GDPD1: variants seen among roughly 807,000 people sequenced by gnomAD.
The protein encoded by GDPD1 is glycerophosphodiester phosphodiesterase domain containing 1.
Under a neutral mutation model 45.1 loss-of-function variants are expected in GDPD1, and 28 were observed. That is an observed-to-expected ratio of 0.62 (90% CI 0.46 to 0.85). The LOEUF (loss-of-function observed/expected upper bound fraction) is 0.85, where lower values mean the gene tolerates loss of function less well. Among genes scored for constraint, GDPD1 ranks in the 40% least tolerant of loss-of-function variants. The pLI is 0.00. For missense variants in GDPD1, 256 were observed against 364.8 expected (o/e 0.70, Z 2.43); for synonymous variants, 139 against 131.4 (o/e 1.06, Z -0.40).
intron 1 of GDPD1, among the ~76,000 whole-genome samples, chr17:59,231,209 C>T (rs998856317): frequency 6.6e-6 from 1 of 151,990 alleles, no homozygotes; most frequent in Non-Finnish European, 1.5e-5. Flanking sequence ...CTGACATTCT[C>T]ATCAAAAATA....
intron 1 of GDPD1, among the ~76,000 whole-genome samples, chr17:59,226,612 A>T (rs1391607286): frequency 6.6e-6 from 1 of 152,222 alleles, no homozygotes; most frequent in African/African-American, 2.4e-5. Context: ...AAATATGTTC[A>T]GATGGTATTG....
At chr17:59,239,981 G>A (rs548789087) in intron 2 of GDPD1, among the ~76,000 whole-genome samples, 65 of 151,746 alleles carry the variant, frequency 4.3e-4, no homozygotes, top group African/African-American at 1.4e-3. Flanking sequence ...ATTATAGGCC[G>A]GAGCAACTGC....
rs558055002 is a variant in GDPD1 at position 59,259,427 on chromosome 17, C to T, written c.576+1587C>T. On this transcript the variant is annotated intron_variant, in intron 6 of 9. Transcript: ENST00000284116. ...CTAAAAATACAAAAAATTAGCCAGGCGTAGTGGTGGGCGCCTGTAGTCCCA... is the reference window on the plus strand; with the variant it reads ...CTAAAAATACAAAAAATTAGCCAGGTGTAGTGGTGGGCGCCTGTAGTCCCA... Among the ~76,000 whole-genome samples the T allele has an allele frequency of 2.0e-5, 3 of 151,716 alleles. No homozygotes were observed. In the South Asian group the frequency reaches 6.2e-4, roughly 32 times the overall value.
Position 59,222,505 on chromosome 17 carries a change from C to CTTTTTTTTTT in GDPD1, c.142+1771_142+1780dup, listed in dbSNP as rs149536097. ...ACAGGCGTGAGCCACAGTGCCCAGCCTTTTTTTTTTTTTTTTTTTTTTTTT... is the reference window on the plus strand; with the variant it reads ...ACAGGCGTGAGCCACAGTGCCCAGCCTTTTTTTTTTTTTTTTTTTTTTTTTTTTTTTTTTT... On this transcript the variant is annotated intron_variant, in intron 1 of 9. Coordinates refer to ENST00000284116, the MANE Select transcript of GDPD1 (RefSeq NM_182569.4). Among the ~76,000 whole-genome samples, 18 of 41,740 alleles carry CTTTTTTTTTT rather than the reference C, an allele frequency of 4.3e-4. 1 individual carries two copies. Among genetic ancestry groups the CTTTTTTTTTT allele is most frequent in the African/African-American group, 9.9e-4 (11 of 11,124 alleles). The allele number at this position is 41,740 out of a possible 152,430, so 27.4% of individuals were successfully genotyped here. A position where few individuals can be genotyped will look rare whatever the true frequency, so the allele number is the denominator to read the frequency against.
intron 8 of GDPD1, among the ~76,000 whole-genome samples, chr17:59,271,326 A>G (rs1428338660): frequency 6.6e-6 from 1 of 152,214 alleles, no homozygotes; most frequent in African/African-American, 2.4e-5. Context: ...GCTGGTGAAA[A>G]GAAGTGTAGC....
intron 4 of GDPD1, among the ~76,000 whole-genome samples, chr17:59,255,762 A>ATATATATATATATACGCGT (rs1555724154): frequency 2.3e-5 from 1 of 44,356 alleles, no homozygotes; most frequent in African/African-American, 1.9e-4. Context: ...AAAAAAAAAA[A>ATATATATATATATACGCGT]ATATATATAT....
chr17:59,256,536 C>T (rs1411105515), intron 4 of GDPD1, among the ~76,000 whole-genome samples: 1 of 152,050 alleles, frequency 6.6e-6, no homozygotes, highest in African/African-American at 2.4e-5. Context: ...GATGATATAG[C>T]AAAACTTTAG....
chr17:59,268,473 G>A (rs1006603391), intron 7 of GDPD1, among the ~76,000 whole-genome samples: 7 of 151,170 alleles, frequency 4.6e-5, no homozygotes, highest in East Asian at 2.0e-4. Flanking sequence ...CAGCTACTCC[G>A]GAGGCTGAGG....
chr17:59,262,948 C>T (rs1248502386), intron 6 of GDPD1, among the ~76,000 whole-genome samples: 2 of 151,848 alleles, frequency 1.3e-5, no homozygotes, highest in East Asian at 3.9e-4. Flanking sequence ...ATCTTGATTG[C>T]GGTAGTGGTT....
rs140511234 is a variant in GDPD1 at position 59,228,841 on chromosome 17, C to T, written c.143-5651C>T. ...GCTGCAGTGAGCTCCGACCATGCCA[C>T]TGCACTCCAGCCTGGGCAACAGAGT... is the stretch of plus-strand genomic sequence containing the variant. On this transcript the variant is annotated intron_variant, in intron 1 of 9. Coordinates refer to ENST00000284116, the MANE Select transcript of GDPD1 (RefSeq NM_182569.4). 5.7e-3 allele frequency among the ~76,000 whole-genome samples: 852 copies of T among 150,628 alleles called. 12 individuals carry two copies. Among genetic ancestry groups the T allele is most frequent in the African/African-American group, 0.02 (806 of 40,910 alleles).
intron 1 of GDPD1, among the ~76,000 whole-genome samples, chr17:59,221,545 T>A (rs1285764884): frequency 1.3e-5 from 2 of 151,956 alleles, no homozygotes; most frequent in Non-Finnish European, 2.9e-5. Flanking sequence ...ACAGTATTGT[T>A]TAAAGAAAAC....
rs1219399635 is a variant in GDPD1, at chr17:59,275,461, G to A, written c.*1688G>A. The A allele has an allele frequency of 1.2e-5, 3 of 257,416 alleles. No homozygotes were observed. Among genetic ancestry groups the A allele is most frequent in the African/African-American group, 6.7e-5 (3 of 44,998 alleles). 15.9% of individuals were successfully genotyped at this position (257,416 alleles called of 1,614,324 possible). ...TTAAGCATTAAAAAGGAACTTACCA[G>A]TTGTAAATTAAGACAAGATCCAAAT... On this transcript the variant is annotated 3_prime_UTR_variant, in exon 10 of 10. Transcript: ENST00000284116.
chr17:59,220,555 C>T lies in GDPD1; in HGVS notation c.-55C>T. On this transcript the variant is annotated 5_prime_UTR_variant, in exon 1 of 10. Transcript: ENST00000284116. ...GCCGCCGCCGCCGTCGTTGCTACTG[C>T]CGCAGCGGAGTTCAGAGGGCCCGGA... is the stretch of plus-strand genomic sequence containing the variant. 3 of 1,579,880 alleles carry T rather than the reference C, an allele frequency of 1.9e-6. No individual in the cohort carries two copies. Among genetic ancestry groups the T allele is most frequent in the Non-Finnish European group, 2.6e-6 (3 of 1,160,808 alleles).
At chr17:59,257,284 C>A in intron 5 of GDPD1, 44 bp downstream of exon 5, 2 of 972,310 alleles carry the variant, frequency 2.1e-6, no homozygotes, top group South Asian at 2.9e-5. Context: ...CATCCTATTT[C>A]ACAAACTAAA....
chr17:59,247,634 A>AT (rs559248195), intron 3 of GDPD1, among the ~76,000 whole-genome samples: 41 of 147,254 alleles, frequency 2.8e-4, no homozygotes, highest in Middle Eastern at 3.5e-3. Context: ...ACTGCACTGA[A>AT]TTTTTTTTTT....
At chr17:59,272,060 A>T (rs1261643037) in intron 8 of GDPD1, among the ~76,000 whole-genome samples, 5 of 152,110 alleles carry the variant, frequency 3.3e-5, no homozygotes, top group Non-Finnish European at 7.4e-5. Flanking sequence ...TTTGTACTCA[A>T]GTAAAACCAG....
chr17:59,257,365 G>A (rs2047317610), intron 5 of GDPD1, 125 bp downstream of exon 5: 3 of 606,312 alleles, frequency 4.9e-6, no homozygotes, highest in Non-Finnish European at 8.7e-6. Context: ...GATCAGCATT[G>A]TTTTAAATAA....
At chr17:59,256,769 A>G (rs1200328787) in intron 4 of GDPD1, among the ~76,000 whole-genome samples, 1 of 152,180 alleles carries the variant, frequency 6.6e-6, no homozygotes. Context: ...ATTATTTCTT[A>G]CAATTGATTG....
intron 1 of GDPD1, among the ~76,000 whole-genome samples, chr17:59,224,497 C>A (rs1425440963): frequency 5.3e-5 from 8 of 151,742 alleles, no homozygotes; most frequent in Non-Finnish European, 1.2e-4. Flanking sequence ...TGGTGGCGGG[C>A]GCCTGTAGTC....
Sources: allele counts gnomAD v4.1 joint callset (sites outside exome capture counted in the v4.1 genomes callset), GRCh38; gene constraint gnomAD v4.1.1; transcripts MANE v1.5; gene names NCBI Gene and HGNC (gene_info 2026-07-23, HGNC 2026-07-21).